FGF23: variants seen among roughly 807,000 people sequenced by gnomAD.
FGF23 encodes the protein fibroblast growth factor 23, also known as phosphatonin.
Under a neutral mutation model 9.0 loss-of-function variants are expected in FGF23, and 8 were observed. The ratio of observed to expected loss-of-function variants is 0.89; its 90% CI spans 0.52 to 1.60. The LOEUF (loss-of-function observed/expected upper bound fraction) is 1.60, where lower values mean the gene tolerates loss of function less well. Among genes scored for constraint, FGF23 ranks in the 40% most tolerant of loss-of-function variants. FGF23 has a pLI of 0.00. For missense variants in FGF23, 311 were observed against 344.3 expected (o/e 0.90, Z 0.77); for synonymous variants, 118 against 146.2 (o/e 0.81, Z 1.39).
chr12:4,377,588 G>T (rs1275681671), intron 1 of FGF23, among the ~76,000 whole-genome samples: 1 of 145,818 alleles, frequency 6.9e-6, no homozygotes, highest in Non-Finnish European at 1.5e-5. Context: ...CTGCCACCAC[G>T]CCTGGCTAAT....
intron 1 of FGF23, among the ~76,000 whole-genome samples, chr12:4,377,420 G>GTTT (rs1865128517): frequency 3.0e-4 from 29 of 96,814 alleles, no homozygotes; most frequent in South Asian, 7.3e-4. Flanking sequence ...ATCACATATA[G>GTTT]TCTTTTTTTT....
intron 2 of FGF23, 104 bp downstream of exon 2, chr12:4,372,490 G>T: frequency 1.3e-6 from 1 of 764,686 alleles, no homozygotes; most frequent in East Asian, 2.6e-5. Context: ...CAGGTCACCA[G>T]GGTACACTGC....
At chr12:4,374,003 C>A (rs1349804519) in intron 1 of FGF23, among the ~76,000 whole-genome samples, 1 of 152,144 alleles carries the variant, frequency 6.6e-6, no homozygotes, top group Admixed American at 6.5e-5. Context: ...CAAAGCTCTT[C>A]TCCTATCCCA....
intron 1 of FGF23, among the ~76,000 whole-genome samples, chr12:4,377,601 T>G: frequency 6.9e-6 from 1 of 145,354 alleles, no homozygotes. Context: ...TGGCTAATTT[T>G]TTGTATTTTT....
intron 2 of FGF23, 96 bp downstream of exon 2, chr12:4,372,498 T>C: frequency 1.2e-6 from 1 of 806,412 alleles, no homozygotes; most frequent in African/African-American, 1.7e-5. Flanking sequence ...CAGGGTACAC[T>C]GCAAATGGAA....
rs1865040589 is a variant in FGF23, at chr12:4,369,914, G to C, written c.*429C>G. On this transcript the variant is annotated 3_prime_UTR_variant, in exon 3 of 3. Coordinates refer to ENST00000237837, the MANE Select transcript of FGF23 (RefSeq NM_020638.3). ...CATAGGGCAGTGGAGAAGCTTCTGGGATCTCCGATTTCCTCTTCCCTACAC... is the reference window on the plus strand; with the variant it reads ...CATAGGGCAGTGGAGAAGCTTCTGGCATCTCCGATTTCCTCTTCCCTACAC... 2 of 231,672 alleles carry C rather than the reference G, an allele frequency of 8.6e-6. No individual in the cohort carries two copies. Among genetic ancestry groups the C allele is most frequent in the African/African-American group, 2.3e-5 (1 of 43,074 alleles). 14.4% of individuals were successfully genotyped at this position (231,672 alleles called of 1,614,324 possible).
intron 2 of FGF23, among the ~76,000 whole-genome samples, chr12:4,371,042 C>G (rs575044618): frequency 1.1e-4 from 16 of 152,332 alleles, no homozygotes; most frequent in Middle Eastern, 6.8e-3. Flanking sequence ...GCTGGCCTGG[C>G]CTGTGGTTTT....
rs776877031 is a variant in FGF23 at position 4,379,412 on chromosome 12, C to T, written c.171G>A (p.Lys57=). The change falls in exon 1 of 3, where the codon AAG becomes AAA. Residue 57 remains lysine, a synonymous_variant. Transcript: ENST00000237837. The stretch of plus-strand genomic sequence containing the variant: ...GGGGTGCGCCATCCACATGGCCATT[C>T]TTGTGGATCTGCAGGTGGTAGCTGT... ...ARNSYHLQIH[K]NGHVDGAPHQ... 1 of 1,613,264 alleles carries T rather than the reference C, an allele frequency of 6.2e-7. No homozygotes were observed. Among genetic ancestry groups the T allele is most frequent in the Non-Finnish European group, 8.5e-7 (1 of 1,180,028 alleles).
chr12:4,377,949 G>A (rs1355699497), intron 1 of FGF23, among the ~76,000 whole-genome samples: 1 of 152,106 alleles, frequency 6.6e-6, no homozygotes, highest in Non-Finnish European at 1.5e-5. Flanking sequence ...CAACACTTCG[G>A]GTGCATCAAG....
rs1865043752 is a variant in FGF23, at chr12:4,370,034, A to G, written c.*309T>C. On this transcript the variant is annotated 3_prime_UTR_variant, in exon 3 of 3. Coordinates refer to ENST00000237837, the MANE Select transcript of FGF23 (RefSeq NM_020638.3). ...AAAAGTGATAAAGAGGAGAGGCACA[A>G]GGAAGAGAAATATGTTGGGAGAGAC... 1 of 272,710 alleles carries G rather than the reference A, an allele frequency of 3.7e-6. No individual in the cohort carries two copies. Among genetic ancestry groups the G allele is most frequent in the Non-Finnish European group, 6.8e-6 (1 of 147,780 alleles). 16.9% of individuals were successfully genotyped at this position (272,710 alleles called of 1,614,324 possible).
Position 4,379,414 on chromosome 12 carries a change from T to C in FGF23, c.169A>G (p.Lys57Glu). ...GGTGCGCCATCCACATGGCCATTCT[T>C]GTGGATCTGCAGGTGGTAGCTGTTC... ...ARNSYHLQIH[K>E]NGHVDGAPHQ... Residue 57 changes from lysine (K) to glutamate (E), a missense_variant, in exon 1 of 3, where the codon AAG becomes GAG. Transcript: ENST00000237837. The C allele has an allele frequency of 6.2e-7, 1 of 1,613,298 alleles. No homozygotes were observed. Among genetic ancestry groups the C allele is most frequent in the Non-Finnish European group, 8.5e-7 (1 of 1,180,016 alleles).
chr12:4,376,363 G>A (rs192003841), intron 1 of FGF23, among the ~76,000 whole-genome samples: 1 of 152,254 alleles, frequency 6.6e-6, no homozygotes, highest in East Asian at 1.9e-4. Context: ...CAATAGAAAT[G>A]GATAATTAGG....
chr12:4,370,686 A>G lies in FGF23; in HGVS notation c.413T>C (p.Leu138Pro). The G allele has an allele frequency of 6.2e-7, 1 of 1,614,140 alleles. No homozygotes were observed. The highest frequency in any genetic ancestry group is 8.5e-7 in the Non-Finnish European group (1 of 1,179,998). ...HSPQYHFLVS[L>P]GRAKRAFLPG... Reference sequence around the variant, plus strand: ...CAGGAAGGCTCTCTTCGCCCGGCCCAGACTGACCAGGAAGTGATACTGAGG... The same window carrying G: ...CAGGAAGGCTCTCTTCGCCCGGCCCGGACTGACCAGGAAGTGATACTGAGG... The change falls in exon 3 of 3, where the codon CTG becomes CCG. Residue 138 changes from leucine (L) to proline (P), a missense_variant. Leu to Pro is a moderately conservative substitution (Grantham distance 98). Transcript: ENST00000237837.
intron 2 of FGF23, 119 bp from the exon 3 acceptor site, chr12:4,370,902 G>A (rs956212138): frequency 2.5e-5 from 21 of 847,802 alleles, no homozygotes; most frequent in Non-Finnish European, 3.8e-5. Flanking sequence ...TTCTTAGGGC[G>A]TTGAGCCTTC....
intron 1 of FGF23, among the ~76,000 whole-genome samples, chr12:4,378,291 G>A (rs561545465): frequency 1.8e-4 from 28 of 152,242 alleles, no homozygotes; most frequent in African/African-American, 5.8e-4. Context: ...CAACAATAAA[G>A]GGCAAATCAT....
At chr12:4,371,765 G>A (rs1209973531) in intron 2 of FGF23, among the ~76,000 whole-genome samples, 2 of 152,190 alleles carry the variant, frequency 1.3e-5, no homozygotes, top group Non-Finnish European at 2.9e-5. Flanking sequence ...GTTTGGAGAA[G>A]TGAGGAGATT....
chr12:4,379,226 C>T, intron 1 of FGF23, 146 bp downstream of exon 1: 2 of 741,454 alleles, frequency 2.7e-6, no homozygotes, highest in Admixed American at 1.9e-5. Flanking sequence ...CACAAACACA[C>T]ACACACACAA....
At chr12:4,379,298 C>G in intron 1 of FGF23, 74 bp downstream of exon 1, 1 of 1,387,558 alleles carries the variant, frequency 7.2e-7, no homozygotes, top group Non-Finnish European at 1.0e-6. Context: ...CAGTCTAGTC[C>G]CCAACCTCCC....
At chr12:4,373,955 T>G (rs966970282) in intron 1 of FGF23, among the ~76,000 whole-genome samples, 8 of 152,128 alleles carry the variant, frequency 5.3e-5, no homozygotes, top group Admixed American at 2.0e-4. Context: ...TGTTTGTGCC[T>G]AGCAAGTGAT....
Sources: gnomAD v4.1 joint callset for allele counts (sites outside exome capture counted in the v4.1 genomes callset) on GRCh38, gnomAD v4.1.1 for gene constraint, MANE v1.5 for transcripts, NCBI Gene and HGNC (gene_info 2026-07-23, HGNC 2026-07-21) for gene names.